Variants in LY96 observed in about 807,000 individuals in gnomAD.
The protein encoded by LY96 is myeloid differentiation protein-2.
Under a neutral mutation model 18.9 loss-of-function variants are expected in LY96, and 18 were observed. That is an observed-to-expected ratio of 0.95 (90% CI 0.66 to 1.41). The LOEUF (loss-of-function observed/expected upper bound fraction) is 1.41. Among genes scored for constraint, LY96 ranks in the 40% most tolerant of loss-of-function variants. The pLI, the probability that LY96 is intolerant of heterozygous loss-of-function variation, is 0.00. For synonymous variants in LY96, 66 were observed against 62.6 expected, an observed-to-expected ratio of 1.06 and a Z score of -0.26; for missense variants, 175 against 182.4, an observed-to-expected ratio of 0.96 and a Z score of 0.23.
At chr8:74,041,664 A>T in the LY96 span, among the ~76,000 whole-genome samples, 1 of 152,098 alleles carries the variant, frequency 6.6e-6, no homozygotes, top group Non-Finnish European at 1.5e-5. Context: ...TGAAATACAC[A>T]CTGATCTCCT....
chr8:74,048,100 G>T, the LY96 span, among the ~76,000 whole-genome samples: 1 of 152,076 alleles, frequency 6.6e-6, no homozygotes, highest in Admixed American at 6.6e-5. Context: ...ATGTTGCTCA[G>T]GCTGGTCTTG....
the LY96 span, chr8:74,048,726 C>G: frequency 3.3e-5 from 5 of 151,638 alleles, no homozygotes; most frequent in Admixed American, 3.3e-4. Flanking sequence ...TACAGAGAAA[C>G]TTAGCTACAG....
At chr8:74,025,518 A>G (rs1430912173) in intron 3 of LY96, among the ~76,000 whole-genome samples, 3 of 151,570 alleles carry the variant, frequency 2.0e-5, no homozygotes, top group Non-Finnish European at 2.9e-5. Context: ...CGCCAGGCGT[A>G]GTGGTGGGTG....
the LY96 span, among the ~76,000 whole-genome samples, chr8:74,086,866 C>T: frequency 6.6e-6 from 1 of 152,212 alleles, no homozygotes; most frequent in Non-Finnish European, 1.5e-5. Flanking sequence ...AAGTGCAGCC[C>T]TCGCTAGACG....
chr8:74,037,291 G>A, the LY96 span, among the ~76,000 whole-genome samples: 24 of 152,230 alleles, frequency 1.6e-4, no homozygotes, highest in South Asian at 4.8e-3. Context: ...AAGGGAATTA[G>A]CCTCTGGATG....
At chr8:74,034,458 A>G in the LY96 span, among the ~76,000 whole-genome samples, 1 of 152,200 alleles carries the variant, frequency 6.6e-6, no homozygotes, top group Non-Finnish European at 1.5e-5. Context: ...ATTAGATTTC[A>G]GCCCCAACTT....
the LY96 span, among the ~76,000 whole-genome samples, chr8:74,051,975 C>A: frequency 6.6e-6 from 1 of 151,472 alleles, no homozygotes; most frequent in Non-Finnish European, 1.5e-5. Context: ...AAAATTTATT[C>A]CTATACATGT....
chr8:74,084,022 CTTT>C, the LY96 span, among the ~76,000 whole-genome samples: 3 of 144,366 alleles, frequency 2.1e-5, no homozygotes, highest in Non-Finnish European at 1.5e-5. Context: ...CCCTCATGCT[CTTT>C]TTTTTTTTTT....
At chr8:74,004,952 G>C in intron 2 of LY96, 67 bp downstream of exon 2, 1 of 1,497,472 alleles carries the variant, frequency 6.7e-7, no homozygotes, top group South Asian at 1.1e-5. Flanking sequence ...ATAAATGATT[G>C]TGTTTCAAAT....
chr8:73,995,728 ATT>A (rs11409980), intron 1 of LY96, among the ~76,000 whole-genome samples: 1 of 149,870 alleles, frequency 6.7e-6, no homozygotes. Flanking sequence ...TCTAATCTTT[ATT>A]TTTTTTTTGC....
the LY96 span, among the ~76,000 whole-genome samples, chr8:74,039,573 CG>C: frequency 6.6e-6 from 1 of 151,988 alleles, no homozygotes; most frequent in Admixed American, 6.6e-5. Flanking sequence ...ACAAGACAAG[CG>C]GGGCAGGGTA....
At chr8:73,995,837 A>G (rs1210105358) in intron 1 of LY96, among the ~76,000 whole-genome samples, 1 of 152,188 alleles carries the variant, frequency 6.6e-6, no homozygotes, top group African/African-American at 2.4e-5. Flanking sequence ...AACTGAGGAG[A>G]TAAGTGAATT....
At chr8:74,056,160 A>T in the LY96 span, 2 of 170,774 alleles carry the variant, frequency 1.2e-5, no homozygotes, top group African/African-American at 2.4e-5. Context: ...AATGTTCAGG[A>T]CAAAAACCAC....
At chr8:74,023,598 G>T (rs1384696378) in intron 3 of LY96, among the ~76,000 whole-genome samples, 2 of 152,084 alleles carry the variant, frequency 1.3e-5, no homozygotes, top group Non-Finnish European at 2.9e-5. Flanking sequence ...GGGTGTTTCT[G>T]CACTCACCTA....
chr8:74,050,342 C>T, the LY96 span, among the ~76,000 whole-genome samples: 6 of 150,754 alleles, frequency 4.0e-5, no homozygotes, highest in East Asian at 3.9e-4. Flanking sequence ...GACTCTATCT[C>T]GATTAAAAAA....
the LY96 span, among the ~76,000 whole-genome samples, chr8:74,037,761 G>C: frequency 7.0e-3 from 1,059 of 152,288 alleles, 11 homozygotes; most frequent in African/African-American, 0.024. Flanking sequence ...TATTGCTTTA[G>C]TGAGTTGGAG....
At chr8:74,095,620 C>G in the LY96 span, among the ~76,000 whole-genome samples, 20 of 152,342 alleles carry the variant, frequency 1.3e-4, no homozygotes, top group Admixed American at 3.9e-4. Flanking sequence ...GTCGCTCACT[C>G]TCTCTTCCAG....
chr8:74,011,980 G>A (rs967132760), intron 3 of LY96, among the ~76,000 whole-genome samples: 56 of 152,086 alleles, frequency 3.7e-4, no homozygotes, highest in African/African-American at 1.3e-3. Context: ...GCAAATTAAA[G>A]TTGCAATGAG....
chr8:74,009,364 C>T (rs1473238650), intron 2 of LY96, among the ~76,000 whole-genome samples: 1 of 112,852 alleles, frequency 8.9e-6, no homozygotes, highest in African/African-American at 3.7e-5. Flanking sequence ...CACTGCACTC[C>T]AGTCTTTCTC....
Sources: gnomAD v4.1 joint callset for allele counts (sites outside exome capture counted in the v4.1 genomes callset) on GRCh38, gnomAD v4.1.1 for gene constraint, MANE v1.5 for transcripts, NCBI Gene and HGNC (gene_info 2026-07-23, HGNC 2026-07-21) for gene names.